The following PREPL variants were observed in gnomAD, a reference collection of about 807,000 sequenced individuals.
PREPL encodes the protein prolyl endopeptidase like, also known as prolyl endopeptidase-like.
Under a neutral mutation model 70.6 loss-of-function variants are expected in PREPL, and 77 were observed. That is an observed-to-expected ratio of 1.09 (90% CI 0.91 to 1.32). PREPL has a LOEUF of 1.32. Ranked by LOEUF, PREPL falls within the 40% of genes most tolerant of loss-of-function variation. PREPL has a pLI of 0.00. For synonymous variants in PREPL, 315 were observed against 264.8 expected, an observed-to-expected ratio of 1.19 and a Z score of -1.84; for missense variants, 1,002 against 778.2, an observed-to-expected ratio of 1.29 and a Z score of -3.42.
rs1369679944 is a variant in PREPL at position 44,322,803 on chromosome 2, G to C, written c.1681C>G (p.Leu561Val). 1.2e-6 allele frequency: 2 copies of C among 1,613,728 alleles called. No individual in the cohort carries two copies. Among genetic ancestry groups the C allele is most frequent in the Non-Finnish European group, 1.7e-6 (2 of 1,179,786 alleles). The change falls in exon 12 of 14, where the codon CTG (leucine) becomes GTG (valine). Residue 561 changes from leucine to valine, a missense_variant. Leu to Val is a conservative substitution (Grantham distance 32, BLOSUM62 1). Coordinates refer to ENST00000409411, the MANE Select transcript of PREPL (RefSeq NM_001171613.2). ...TCAGTATAACTTACAATTCCTTTCA[G>C]AGGTACCCGTTCATCGTTTTCATAT... ...TAYENDERVP[L>V]KGIVSYTEKL... is the part of the protein sequence containing the mutation.
chr2:44,345,573 C>G (rs1675709534), intron 2 of PREPL, among the ~76,000 whole-genome samples: 1 of 152,096 alleles, frequency 6.6e-6, no homozygotes, highest in Non-Finnish European at 1.5e-5. Context: ...GTCTTGAACT[C>G]TTGACCTCAG....
chr2:44,345,819 T>C (rs1196671614), intron 2 of PREPL, among the ~76,000 whole-genome samples: 2 of 152,190 alleles, frequency 1.3e-5, no homozygotes, highest in African/African-American at 4.8e-5. Context: ...CTACTTTCAT[T>C]TGAACTTCTC....
At chr2:44,334,914 G>A (rs1674478946) in intron 7 of PREPL, among the ~76,000 whole-genome samples, 1 of 152,130 alleles carries the variant, frequency 6.6e-6, no homozygotes, top group Admixed American at 6.5e-5. Flanking sequence ...CAGAGATACT[G>A]CATAAAGAAA....
chr2:44,343,464 A>G (rs1371942291), intron 4 of PREPL, among the ~76,000 whole-genome samples: 1 of 152,200 alleles, frequency 6.6e-6, no homozygotes, highest in East Asian at 1.9e-4. Flanking sequence ...TATTCTAGAT[A>G]ATAATTTGGC....
Position 44,357,506 on chromosome 2 carries a change from A to G in PREPL, c.-49+3874T>C, listed in dbSNP as rs965130830. Among the ~76,000 whole-genome samples the G allele has an allele frequency of 2.6e-4, 40 of 152,254 alleles. 1 individual carries two copies. The highest frequency in any genetic ancestry group is 2.6e-3 in the Admixed American group (40 of 15,288). On this transcript the variant is annotated intron_variant, in intron 1 of 13. Transcript: ENST00000409411. ...TGGTTGATACATGACATGTGACAGC[A>G]GGATTACTTTATCAGGTAAAGGAAT... is the stretch of plus-strand genomic sequence containing the variant.
intron 1 of PREPL, chr2:44,359,912 C>T: frequency 1.8e-6 from 1 of 544,668 alleles, no homozygotes; most frequent in South Asian, 2.6e-5. Context: ...ATCTAAAAAC[C>T]TGTGTAAGTT....
intron 5 of PREPL, among the ~76,000 whole-genome samples, chr2:44,341,321 T>G (rs1675196326): frequency 6.6e-6 from 1 of 152,170 alleles, no homozygotes; most frequent in African/African-American, 2.4e-5. Context: ...TCATATAAAT[T>G]TTCACATAGA....
Position 44,318,900 on chromosome 2 carries a change from A to G in PREPL, c.*2456T>C, listed in dbSNP as rs549337588. ...TACGCATCTAACAGCTTCAAAATATAGAAAATACTCAAATGCAAAATCAAC... is the reference window on the plus strand; with the variant it reads ...TACGCATCTAACAGCTTCAAAATATGGAAAATACTCAAATGCAAAATCAAC... On this transcript the variant is annotated 3_prime_UTR_variant, in exon 14 of 14. Transcript: ENST00000409411. 4 of 152,350 alleles carry G rather than the reference A, an allele frequency of 2.6e-5. No individual in the cohort carries two copies. In the South Asian group the frequency reaches 8.3e-4, roughly 32 times the overall value. The allele number at this position is 152,350 out of a possible 1,614,324, so 9.4% of individuals were successfully genotyped here.
chr2:44,359,466 C>A (rs775011002), intron 1 of PREPL: 2 of 1,464,402 alleles, frequency 1.4e-6, no homozygotes, highest in Non-Finnish European at 1.9e-6. Flanking sequence ...TCTTAATGAC[C>A]TACAAATAGG....
Position 44,320,245 on chromosome 2 carries a change from T to G in PREPL, c.*1111A>C. ...TCGGCTTTGAAGTTATATCAAGATT[T>G]AAGTCTACTTCATGCCAATGAGCTA... On this transcript the variant is annotated 3_prime_UTR_variant, in exon 14 of 14. Transcript: ENST00000409411. 6.2e-7 allele frequency: 1 copy of G among 1,614,088 alleles called. No homozygotes were observed. The highest frequency in any genetic ancestry group is 1.6e-4 in the Middle Eastern group (1 of 6,062).
At chr2:44,340,220 CAATAT>C (rs1390440232) in intron 5 of PREPL, among the ~76,000 whole-genome samples, 1 of 151,802 alleles carries the variant, frequency 6.6e-6, no homozygotes, top group African/African-American at 2.4e-5. Context: ...TTATAATAAA[CAATAT>C]AACAAGAAAC....
intron 9 of PREPL, among the ~76,000 whole-genome samples, chr2:44,328,004 G>A (rs924310506): frequency 1.3e-5 from 2 of 150,566 alleles, no homozygotes; most frequent in African/African-American, 2.4e-5. Flanking sequence ...CAAAAAAATC[G>A]GGCTGGTACG....
At chr2:44,322,047 G>C (rs1418700180) in intron 12 of PREPL, 147 bp from the exon 13 acceptor site, 7 of 760,268 alleles carry the variant, frequency 9.2e-6, no homozygotes, top group African/African-American at 1.8e-5. Flanking sequence ...TCAACAAAAA[G>C]ATGGGAGGGG....
Position 44,342,564 on chromosome 2 carries a change from TAA to T in PREPL, c.350-14_350-13del. Reference sequence around the variant, plus strand: ...GTCCTTTACCCATTCTGAAAGAAAATAATGAGATAATTATACATAATCACCTA... The same window carrying T: ...GTCCTTTACCCATTCTGAAAGAAAATTGAGATAATTATACATAATCACCTA... On this transcript the variant is annotated splice_polypyrimidine_tract_variant and intron_variant, in intron 4 of 13. Transcript: ENST00000409411. 1.6e-5 allele frequency: 3 copies of T among 183,856 alleles called. No individual in the cohort carries two copies. Among genetic ancestry groups the T allele is most frequent in the East Asian group, 5.3e-5 (1 of 18,766 alleles). The allele number at this position is 183,856 out of a possible 1,614,324, so 11.4% of individuals were successfully genotyped here.
chr2:44,320,489 T>C lies in PREPL; in HGVS notation c.*867A>G. 6.2e-7 allele frequency: 1 copy of C among 1,614,132 alleles called. No individual in the cohort carries two copies. The highest frequency in any genetic ancestry group is 8.5e-7 in the Non-Finnish European group (1 of 1,179,984). ...ACAAAGGCAGTAAAGTTGATACAAG[T>C]GGCATTTTTCTGGACAAGGGAGAGG... On this transcript the variant is annotated 3_prime_UTR_variant, in exon 14 of 14. Coordinates refer to ENST00000409411, the MANE Select transcript of PREPL (RefSeq NM_001171613.2).
intron 10 of PREPL, among the ~76,000 whole-genome samples, chr2:44,325,705 A>G (rs1673426626): frequency 6.6e-6 from 1 of 152,200 alleles, no homozygotes; most frequent in Non-Finnish European, 1.5e-5. Context: ...TGTTTTTAAA[A>G]AATAGACTTA....
rs533221965 is a variant in PREPL at position 44,330,247 on chromosome 2, A to G, written c.1087-1135T>C. 1.5e-4 allele frequency among the ~76,000 whole-genome samples: 20 copies of G among 135,700 alleles called. No individual in the cohort carries two copies. In the East Asian group the frequency reaches 4.6e-3, roughly 31 times the overall value. The allele number at this position is 135,700 out of a possible 152,430, so 89.0% of individuals were successfully genotyped here. Reference sequence around the variant, plus strand: ...TTGAAAAGTTTTGAAAGGAAGAGGTAAAACAGTAGCTACTCCTGTGATGGG... The same window carrying G: ...TTGAAAAGTTTTGAAAGGAAGAGGTGAAACAGTAGCTACTCCTGTGATGGG... On this transcript the variant is annotated intron_variant, in intron 8 of 13. Coordinates refer to ENST00000409411, the MANE Select transcript of PREPL (RefSeq NM_001171613.2).
chr2:44,359,746 TG>T, intron 1 of PREPL: 1 of 1,461,846 alleles, frequency 6.8e-7, no homozygotes, highest in Non-Finnish European at 9.6e-7. Flanking sequence ...ATGCTCCTTT[TG>T]GGGCTGCCAG....
At chr2:44,361,024 C>G (rs1251449189) in intron 1 of PREPL, among the ~76,000 whole-genome samples, 1 of 152,042 alleles carries the variant, frequency 6.6e-6, no homozygotes, top group Non-Finnish European at 1.5e-5. Flanking sequence ...CTAGCCGACA[C>G]TAGTAAAAAA....
Sources: gnomAD v4.1 joint callset for allele counts (sites outside exome capture counted in the v4.1 genomes callset) on GRCh38, gnomAD v4.1.1 for gene constraint, MANE v1.5 for transcripts, NCBI Gene and HGNC (gene_info 2026-07-23, HGNC 2026-07-21) for gene names.